TMEFF2: variants seen among roughly 807,000 people sequenced by gnomAD.
TMEFF2 encodes tomoregulin-2.
A neutral mutation model predicts 53.8 loss-of-function variants in TMEFF2; 28 were observed. That is an observed-to-expected ratio of 0.52 (90% CI 0.39 to 0.71). The LOEUF is 0.71. Ranked by LOEUF, TMEFF2 falls within the 30% of genes least tolerant of loss-of-function variation. The pLI is 0.00. For synonymous variants in TMEFF2, 162 were observed against 166.3 expected, an observed-to-expected ratio of 0.97 and a Z score of 0.20; for missense variants, 353 against 455.2, an observed-to-expected ratio of 0.78 and a Z score of 2.04.
chr2:192,058,475 T>G (rs1000323928), intron 4 of TMEFF2, among the ~76,000 whole-genome samples: 1 of 152,170 alleles, frequency 6.6e-6, no homozygotes, highest in Non-Finnish European at 1.5e-5. Flanking sequence ...TAATGATGAT[T>G]GATATTGGTC....
At chr2:192,125,651 G>A (rs1384480402) in intron 4 of TMEFF2, among the ~76,000 whole-genome samples, 1 of 152,190 alleles carries the variant, frequency 6.6e-6, no homozygotes, top group African/African-American at 2.4e-5. Context: ...ACTGGATAAA[G>A]AAAATGTGGT....
Position 192,097,200 on chromosome 2 carries a change from T to C in TMEFF2, c.440-39425A>G, listed in dbSNP as rs545011637. Among the ~76,000 whole-genome samples the C allele has an allele frequency of 1.4e-4, 22 of 152,338 alleles. 1 individual carries two copies. The East Asian group carries it at 3.9e-3, about 27-fold the overall frequency. On this transcript the variant is annotated intron_variant, in intron 4 of 9. Coordinates refer to ENST00000272771, the MANE Select transcript of TMEFF2 (RefSeq NM_016192.4). Reference sequence around the variant, plus strand: ...CACTTCTACACGTGAAAAGCTCCTTTAATTGTTTATTACAAGCATACTTAC... The same window carrying C: ...CACTTCTACACGTGAAAAGCTCCTTCAATTGTTTATTACAAGCATACTTAC...
At chr2:192,184,306 T>C in intron 3 of TMEFF2, 48 bp downstream of exon 3, 3 of 1,598,162 alleles carry the variant, frequency 1.9e-6, no homozygotes, top group Non-Finnish European at 2.6e-6. Context: ...ACATGGTTTT[T>C]GGATTTGGAA....
intron 5 of TMEFF2, chr2:192,030,594 G>A (rs1434215456): frequency 1.3e-5 from 2 of 152,028 alleles, no homozygotes; most frequent in African/African-American, 4.8e-5. Context: ...AATTCCTGAA[G>A]ATTCTGAAAT....
At chr2:192,025,407 G>A (rs566586157) in intron 5 of TMEFF2, among the ~76,000 whole-genome samples, 7 of 149,294 alleles carry the variant, frequency 4.7e-5, no homozygotes, top group East Asian at 1.9e-4. Context: ...ATGATATAGC[G>A]TTCTTGTTAA....
chr2:191,969,805 AAATT>A (rs1432508202), intron 7 of TMEFF2, among the ~76,000 whole-genome samples: 1 of 152,220 alleles, frequency 6.6e-6, no homozygotes, highest in Non-Finnish European at 1.5e-5. Context: ...GAATAAGATA[AAATT>A]ATTTAAAGAA....
intron 4 of TMEFF2, among the ~76,000 whole-genome samples, chr2:192,087,506 C>T (rs905355078): frequency 6.6e-6 from 1 of 152,002 alleles, no homozygotes; most frequent in African/African-American, 2.4e-5. Context: ...CTGAGGGGCT[C>T]GAGTTTAGAG....
At chr2:192,140,938 A>G (rs949911185) in intron 4 of TMEFF2, among the ~76,000 whole-genome samples, 2 of 152,144 alleles carry the variant, frequency 1.3e-5, no homozygotes, top group African/African-American at 2.4e-5. Flanking sequence ...TTCAATAACT[A>G]TTTATGGAGC....
chr2:192,138,224 T>A (rs1449959261), intron 4 of TMEFF2, among the ~76,000 whole-genome samples: 1 of 152,240 alleles, frequency 6.6e-6, no homozygotes, highest in African/African-American at 2.4e-5. Flanking sequence ...TAGAAGACTC[T>A]GTTCAAAAGA....
At chr2:192,093,335 TAATA>T (rs1296668786) in intron 4 of TMEFF2, among the ~76,000 whole-genome samples, 1 of 152,148 alleles carries the variant, frequency 6.6e-6, no homozygotes, top group African/African-American at 2.4e-5. Flanking sequence ...TGATCTGGTT[TAATA>T]ACTTTTTTCA....
At chr2:192,098,138 C>T (rs1688956804) in intron 4 of TMEFF2, among the ~76,000 whole-genome samples, 1 of 152,102 alleles carries the variant, frequency 6.6e-6, no homozygotes, top group African/African-American at 2.4e-5. Context: ...AATTTAACCA[C>T]AATAGCAAAG....
At chr2:192,102,603 A>T in intron 4 of TMEFF2, among the ~76,000 whole-genome samples, 1 of 146,138 alleles carries the variant, frequency 6.8e-6, no homozygotes, top group Non-Finnish European at 1.5e-5. Context: ...TCATCTTCTC[A>T]ATAATTTCTT....
intron 5 of TMEFF2, chr2:192,029,311 T>C (rs1687057192): frequency 6.6e-6 from 1 of 152,210 alleles, no homozygotes; most frequent in Non-Finnish European, 1.5e-5. Flanking sequence ...CAGCCCTGGC[T>C]GACATCTTGA....
intron 5 of TMEFF2, among the ~76,000 whole-genome samples, chr2:192,026,207 A>G (rs1310947274): frequency 6.6e-6 from 1 of 152,110 alleles, no homozygotes; most frequent in African/African-American, 2.4e-5. Context: ...TATTTTAACT[A>G]AACAGGCCAC....
intron 4 of TMEFF2, among the ~76,000 whole-genome samples, chr2:192,175,462 G>A (rs1289140347): frequency 1.3e-5 from 2 of 151,488 alleles, no homozygotes; most frequent in African/African-American, 4.8e-5. Context: ...AAAACCATAT[G>A]TCAACTGATT....
At chr2:192,034,748 A>G (rs957035491) in intron 5 of TMEFF2, 9 of 152,134 alleles carry the variant, frequency 5.9e-5, no homozygotes, top group African/African-American at 2.2e-4. Flanking sequence ...CGATTTTCTG[A>G]CGCTCGGCCA....
chr2:192,037,573 A>AGT (rs66573123), intron 5 of TMEFF2, among the ~76,000 whole-genome samples: 44 of 145,920 alleles, frequency 3.0e-4, no homozygotes, highest in African/African-American at 9.1e-4. Context: ...GAGAGTAACA[A>AGT]GTGTGTGTGT....
At chr2:192,028,772 T>C (rs970132978) in intron 5 of TMEFF2, 1 of 152,150 alleles carries the variant, frequency 6.6e-6, no homozygotes, top group African/African-American at 2.4e-5. Context: ...AGATACAAAT[T>C]GTGTAATTTT....
intron 4 of TMEFF2, among the ~76,000 whole-genome samples, chr2:192,144,817 T>C (rs980106033): frequency 2.0e-5 from 3 of 152,012 alleles, no homozygotes; most frequent in African/African-American, 7.2e-5. Context: ...TTACAGTCAC[T>C]AGTGGGATCA....
Sources: allele counts gnomAD v4.1 joint callset (sites outside exome capture counted in the v4.1 genomes callset), GRCh38; gene constraint gnomAD v4.1.1; transcripts MANE v1.5; gene names NCBI Gene and HGNC (gene_info 2026-07-23, HGNC 2026-07-21).